Variants in EPB41L4A observed in about 807,000 individuals in gnomAD.
EPB41L4A encodes band 4.1-like protein 4A.
In EPB41L4A, 100 loss-of-function variants were observed where a neutral mutation model predicts 108.6. The observed-to-expected ratio is 0.92, with a 90% CI of 0.78 to 1.09. The LOEUF (loss-of-function observed/expected upper bound fraction) is 1.09. EPB41L4A is among the 50% of genes least tolerant of loss of function. EPB41L4A has a pLI of 0.00. For synonymous variants in EPB41L4A, 319 were observed against 289.0 expected, an observed-to-expected ratio of 1.10 and a Z score of -1.05; for missense variants, 1,030 against 842.7, an observed-to-expected ratio of 1.22 and a Z score of -2.75.
intron 1 of EPB41L4A, among the ~76,000 whole-genome samples, chr5:112,364,088 C>T (rs1307677238): frequency 1.3e-5 from 2 of 152,146 alleles, no homozygotes; most frequent in African/African-American, 2.4e-5. Flanking sequence ...AGTGCAGTGG[C>T]GCAACCTCAG....
chr5:112,185,310 C>T (rs1456667093), intron 17 of EPB41L4A, among the ~76,000 whole-genome samples: 3 of 152,216 alleles, frequency 2.0e-5, no homozygotes, highest in Non-Finnish European at 2.9e-5. Flanking sequence ...GCATTTCCTT[C>T]TCTGAACAGA....
rs368763491 is a variant in EPB41L4A, at chr5:112,396,465, G to T, written c.99+22476C>A. ...GCTGTATAACAAATTACCCCAAAAC[G>T]TAATGGTTTAAAACAACAAACATCT... is the stretch of plus-strand genomic sequence containing the variant. On this transcript the variant is annotated intron_variant, in intron 1 of 22. Coordinates refer to ENST00000261486, the MANE Select transcript of EPB41L4A (RefSeq NM_022140.5). 1.8e-4 allele frequency among the ~76,000 whole-genome samples: 27 copies of T among 152,246 alleles called. 1 individual carries two copies. The highest frequency in any genetic ancestry group is 1.2e-3 in the East Asian group (6 of 5,186).
intron 14 of EPB41L4A, 33 bp from the exon 15 acceptor site, chr5:112,204,521 CA>C: frequency 1.4e-6 from 2 of 1,428,730 alleles, no homozygotes; most frequent in Non-Finnish European, 2.0e-6. Context: ...AAAAAGAGCC[CA>C]GAGAGTTCCT....
intron 15 of EPB41L4A, among the ~76,000 whole-genome samples, chr5:112,201,934 G>C (rs971975356): frequency 2.0e-5 from 3 of 152,140 alleles, no homozygotes; most frequent in African/African-American, 4.8e-5. Context: ...GTAAAACTGA[G>C]ATGGTGATGG....
chr5:112,242,537 A>C (rs928211860), intron 9 of EPB41L4A, among the ~76,000 whole-genome samples: 2 of 152,212 alleles, frequency 1.3e-5, no homozygotes, highest in African/African-American at 4.8e-5. Context: ...TCGTGGGGGT[A>C]GAAATCATCT....
chr5:112,172,375 G>A (rs1366575155), intron 18 of EPB41L4A, among the ~76,000 whole-genome samples: 1 of 152,064 alleles, frequency 6.6e-6, no homozygotes, highest in Non-Finnish European at 1.5e-5. Context: ...AGCTGGGCAT[G>A]GTGGCATGTG....
chr5:112,398,775 G>A (rs1279855686), intron 1 of EPB41L4A, among the ~76,000 whole-genome samples: 1 of 152,004 alleles, frequency 6.6e-6, no homozygotes, highest in African/African-American at 2.4e-5. Flanking sequence ...GCTAGCCCCT[G>A]TGAGTATTAA....
At chr5:112,216,857 T>C (rs6885697) in intron 12 of EPB41L4A, among the ~76,000 whole-genome samples, 2,202 of 152,296 alleles carry the variant, frequency 0.014, 42 homozygotes, top group African/African-American at 0.05. Flanking sequence ...CTAGGTACTA[T>C]GGAAAAAATG....
intron 3 of EPB41L4A, among the ~76,000 whole-genome samples, chr5:112,276,737 A>T (rs1403797836): frequency 6.6e-6 from 1 of 152,174 alleles, no homozygotes; most frequent in African/African-American, 2.4e-5. Flanking sequence ...AACAAGAATA[A>T]AGGTATCATG....
downstream of EPB41L4A, chr5:112,160,460 G>GT (rs1759818998): frequency 6.6e-6 from 1 of 152,334 alleles, no homozygotes; most frequent in Non-Finnish European, 1.5e-5. Context: ...CTGGAGCATA[G>GT]TAAGTGCTGA....
chr5:112,377,299 C>T (rs2112580968), intron 1 of EPB41L4A, among the ~76,000 whole-genome samples: 1 of 151,904 alleles, frequency 6.6e-6, no homozygotes, highest in East Asian at 1.9e-4. Flanking sequence ...TATCAATATC[C>T]TACTTGTGAT....
intron 1 of EPB41L4A, among the ~76,000 whole-genome samples, chr5:112,339,408 C>T (rs751273512): frequency 6.7e-6 from 1 of 149,178 alleles, no homozygotes; most frequent in Non-Finnish European, 1.5e-5. Flanking sequence ...ATCTAAGTAG[C>T]TAACAATACA....
intron 1 of EPB41L4A, among the ~76,000 whole-genome samples, chr5:112,310,640 G>A (rs1216723442): frequency 6.6e-6 from 1 of 152,202 alleles, no homozygotes; most frequent in Non-Finnish European, 1.5e-5. Context: ...AATAAAAGAT[G>A]AGTATATGAT....
intron 18 of EPB41L4A, among the ~76,000 whole-genome samples, chr5:112,178,027 T>C (rs957338560): frequency 4.0e-5 from 6 of 150,628 alleles, no homozygotes; most frequent in African/African-American, 1.5e-4. Context: ...AAGACAGGGA[T>C]TGTCAGGCTA....
chr5:112,157,858 C>T (rs144883166), downstream of EPB41L4A, among the ~76,000 whole-genome samples: 3 of 152,320 alleles, frequency 2.0e-5, no homozygotes, highest in East Asian at 5.8e-4. Flanking sequence ...CAGGTTGCTT[C>T]ACATTTGCAC....
intron 19 of EPB41L4A, among the ~76,000 whole-genome samples, chr5:112,170,591 T>G (rs1310676986): frequency 6.6e-6 from 1 of 152,198 alleles, no homozygotes; most frequent in Non-Finnish European, 1.5e-5. Context: ...ACATTCAGAC[T>G]CCAGTCATTC....
intron 1 of EPB41L4A, among the ~76,000 whole-genome samples, chr5:112,372,367 C>T (rs796531935): frequency 5.9e-5 from 9 of 152,308 alleles, no homozygotes; most frequent in African/African-American, 1.9e-4. Context: ...CAATCACCTC[C>T]ACCTGGTCCC....
intron 1 of EPB41L4A, among the ~76,000 whole-genome samples, chr5:112,347,756 G>C (rs1333094611): frequency 6.6e-6 from 1 of 152,158 alleles, no homozygotes; most frequent in Non-Finnish European, 1.5e-5. Flanking sequence ...TTTAAGTCAA[G>C]CACCTGAGCA....
Position 112,193,484 on chromosome 5 carries a change from A to G in EPB41L4A, c.1502+1084T>C, listed in dbSNP as rs1213451541. Reference sequence around the variant, plus strand: ...GCCCAGCTAATTTTGTATTTTTAGTAGAGACAGGGTTTCTCCATGTTGGTC... The same window carrying G: ...GCCCAGCTAATTTTGTATTTTTAGTGGAGACAGGGTTTCTCCATGTTGGTC... On this transcript the variant is annotated intron_variant, in intron 17 of 22. Coordinates refer to ENST00000261486, the MANE Select transcript of EPB41L4A (RefSeq NM_022140.5). Among the ~76,000 whole-genome samples, 4 of 152,136 alleles carry G rather than the reference A, an allele frequency of 2.6e-5. No individual in the cohort carries two copies. The East Asian group carries it at 7.7e-4, about 29-fold the overall frequency.
Sources: allele counts gnomAD v4.1 joint callset (sites outside exome capture counted in the v4.1 genomes callset), GRCh38; gene constraint gnomAD v4.1.1; transcripts MANE v1.5; gene names NCBI Gene and HGNC (gene_info 2026-07-23, HGNC 2026-07-21).